FHIT: variants seen among roughly 807,000 people sequenced by gnomAD.
FHIT encodes bis(5'-adenosyl)-triphosphatase.
In FHIT, 19 loss-of-function variants were observed where a neutral mutation model predicts 17.9. The observed-to-expected ratio is 1.06, with a 90% CI of 0.74 to 1.56. The LOEUF (loss-of-function observed/expected upper bound fraction) is 1.56, where lower values mean the gene tolerates loss of function less well. Among genes scored for constraint, FHIT ranks in the 40% most tolerant of loss-of-function variants. FHIT has a pLI of 0.00. For missense variants in FHIT, 248 were observed against 189.2 expected (o/e 1.31, Z -1.82); for synonymous variants, 81 against 69.7 (o/e 1.16, Z -0.81).
chr3:60,206,616 G>A (rs374878405), intron 5 of FHIT, among the ~76,000 whole-genome samples: 23 of 152,244 alleles, frequency 1.5e-4, no homozygotes, highest in South Asian at 6.2e-4. Context: ...TATCAATCAC[G>A]GAATGCAGGA....
At chr3:61,122,938 A>T (rs918678305) in intron 2 of FHIT, among the ~76,000 whole-genome samples, 3 of 152,230 alleles carry the variant, frequency 2.0e-5, no homozygotes, top group African/African-American at 7.2e-5. Flanking sequence ...TGTGGAAGAC[A>T]GTGTGGCGAT....
At position 59,905,012 on chromosome 3, in the gene FHIT, G is replaced by C. The variant is rs560203714; in HGVS notation, c.348+17334C>G. On this transcript the variant is annotated intron_variant, in intron 8 of 9. Transcript: ENST00000492590. The stretch of plus-strand genomic sequence containing the variant: ...CAATCAGAGGAGAGCTTACCAAACA[G>C]AAAGGGAAATTCTCAATCCAGTCTG... 1.3e-4 allele frequency among the ~76,000 whole-genome samples: 20 copies of C among 152,360 alleles called. No homozygotes were observed. The East Asian group carries it at 3.7e-3, about 28-fold the overall frequency.
chr3:60,499,263 C>T (rs540158860), intron 5 of FHIT, among the ~76,000 whole-genome samples: 1 of 152,212 alleles, frequency 6.6e-6, no homozygotes, highest in East Asian at 1.9e-4. Context: ...TCCTTCCTTC[C>T]ACCCTTCTGC....
intron 5 of FHIT, among the ~76,000 whole-genome samples, chr3:60,341,136 G>A (rs190441381): frequency 3.0e-4 from 46 of 152,272 alleles, no homozygotes; most frequent in Admixed American, 1.0e-3. Context: ...TTTGTTATAC[G>A]ATGAGTATAT....
At chr3:60,694,506 C>T (rs192362206) in intron 4 of FHIT, among the ~76,000 whole-genome samples, 59 of 152,224 alleles carry the variant, frequency 3.9e-4, no homozygotes, top group African/African-American at 1.3e-3. Context: ...GTCAGTGTGG[C>T]GATTCCTCAA....
intron 4 of FHIT, among the ~76,000 whole-genome samples, chr3:60,674,302 A>C (rs2040573759): frequency 6.6e-6 from 1 of 152,070 alleles, no homozygotes; most frequent in African/African-American, 2.4e-5. Context: ...TCTTCATTTT[A>C]TGTCACCCAT....
intron 7 of FHIT, among the ~76,000 whole-genome samples, chr3:59,990,642 A>T: frequency 6.6e-6 from 1 of 152,054 alleles, no homozygotes; most frequent in Admixed American, 6.6e-5. Flanking sequence ...TGAAGAAATA[A>T]TTAATAATAA....
intron 4 of FHIT, among the ~76,000 whole-genome samples, chr3:60,701,972 C>T (rs781931316): frequency 1.3e-5 from 2 of 152,166 alleles, no homozygotes; most frequent in Non-Finnish European, 2.9e-5. Flanking sequence ...CTTTCACTGT[C>T]ATAATTTTCT....
intron 5 of FHIT, among the ~76,000 whole-genome samples, chr3:60,253,241 G>C (rs747495374): frequency 1.3e-5 from 2 of 152,134 alleles, no homozygotes; most frequent in Non-Finnish European, 2.9e-5. Flanking sequence ...GCTATCATTA[G>C]TATATCACCA....
intron 5 of FHIT, among the ~76,000 whole-genome samples, chr3:60,220,767 G>A (rs79710594): frequency 0.013 from 2,051 of 152,254 alleles, 48 homozygotes; most frequent in African/African-American, 0.046. Flanking sequence ...TGTTTTCCAG[G>A]ATGGATCACA....
chr3:60,633,264 A>C (rs1400327136), intron 4 of FHIT, among the ~76,000 whole-genome samples: 1 of 152,180 alleles, frequency 6.6e-6, no homozygotes, highest in East Asian at 1.9e-4. Context: ...TTGCACGATG[A>C]ACTAGCTGTG....
Position 59,938,573 on chromosome 3 carries a change from C to G in FHIT, c.280-16159G>C, listed in dbSNP as rs371266183. On this transcript the variant is annotated intron_variant, in intron 7 of 9. Coordinates refer to ENST00000492590, the MANE Select transcript of FHIT (RefSeq NM_002012.4). ...TTGCCCTTGTCACAAAAACAAACAC[C>G]CAAAAAAGTGAGTAACTATGTGAGA... Among the ~76,000 whole-genome samples the G allele has an allele frequency of 6.7e-4, 102 of 151,908 alleles. 1 individual carries two copies. The highest frequency in any genetic ancestry group is 2.3e-3 in the African/African-American group (96 of 41,428).
chr3:59,998,353 C>T (rs1699598812), intron 7 of FHIT, among the ~76,000 whole-genome samples: 2 of 151,942 alleles, frequency 1.3e-5, no homozygotes, highest in South Asian at 4.2e-4. Flanking sequence ...CAAAATATGC[C>T]CAGGAATCTA....
At chr3:60,999,409 G>A (rs2030907349) in intron 3 of FHIT, among the ~76,000 whole-genome samples, 1 of 151,116 alleles carries the variant, frequency 6.6e-6, no homozygotes, top group Non-Finnish European at 1.5e-5. Flanking sequence ...TCAAACACTG[G>A]AGAGAAATGC....
intron 8 of FHIT, among the ~76,000 whole-genome samples, chr3:59,801,601 C>G (rs1266224159): frequency 6.6e-6 from 1 of 152,022 alleles, no homozygotes; most frequent in East Asian, 1.9e-4. Flanking sequence ...GAAGCCTAAG[C>G]CTAAATTTTA....
intron 5 of FHIT, among the ~76,000 whole-genome samples, chr3:60,438,125 C>A (rs1380235211): frequency 6.6e-6 from 1 of 151,964 alleles, no homozygotes; most frequent in Non-Finnish European, 1.5e-5. Flanking sequence ...AAACAATAAG[C>A]CCCAGCATTT....
chr3:61,013,916 G>A (rs2031932833), intron 3 of FHIT, among the ~76,000 whole-genome samples: 2 of 152,138 alleles, frequency 1.3e-5, no homozygotes, highest in Admixed American at 1.3e-4. Flanking sequence ...AGTGTCTAAT[G>A]ATCTTTATAA....
chr3:59,971,721 T>A (rs1478449991), intron 7 of FHIT, among the ~76,000 whole-genome samples: 1 of 152,124 alleles, frequency 6.6e-6, no homozygotes, highest in African/African-American at 2.4e-5. Context: ...GAAGTCCATG[T>A]CCAGGTTGCC....
intron 3 of FHIT, among the ~76,000 whole-genome samples, chr3:61,039,140 C>A (rs1342267104): frequency 1.3e-5 from 2 of 152,158 alleles, no homozygotes; most frequent in African/African-American, 4.8e-5. Context: ...CAATTGGCCG[C>A]AATTTCCAAG....
Sources: gnomAD v4.1 joint callset for allele counts (sites outside exome capture counted in the v4.1 genomes callset) on GRCh38, gnomAD v4.1.1 for gene constraint, MANE v1.5 for transcripts, NCBI Gene and HGNC (gene_info 2026-07-23, HGNC 2026-07-21) for gene names.